LAMA2: variants seen among roughly 807,000 people sequenced by gnomAD.
The protein encoded by LAMA2 is laminin subunit alpha-2.
LAMA2 carries 269 observed loss-of-function variants against 364.8 expected under a neutral mutation model. The ratio of observed to expected loss-of-function variants is 0.74; its 90% CI spans 0.67 to 0.82. The LOEUF (loss-of-function observed/expected upper bound fraction) is 0.82. Ranked by LOEUF, LAMA2 falls within the 40% of genes least tolerant of loss-of-function variation. The pLI is 0.00. For synonymous variants in LAMA2, 1,379 were observed against 1,370.6 expected (o/e 1.01, Z -0.14); for missense variants, 3,807 against 3,873.2 (o/e 0.98, Z 0.45).
At chr6:129,046,685 C>G (rs1304009124) in intron 1 of LAMA2, among the ~76,000 whole-genome samples, 1 of 152,116 alleles carries the variant, frequency 6.6e-6, no homozygotes, top group East Asian at 1.9e-4. Flanking sequence ...ACATCTATAT[C>G]CAGACAATTA....
intron 32 of LAMA2, among the ~76,000 whole-genome samples, chr6:129,358,462 T>G (rs1777278852): frequency 6.6e-6 from 1 of 151,962 alleles, no homozygotes; most frequent in Non-Finnish European, 1.5e-5. Context: ...CTCAGGAGGT[T>G]TTATTGACCT....
chr6:129,437,869 AT>A (rs1781910906), intron 41 of LAMA2, among the ~76,000 whole-genome samples: 1 of 151,870 alleles, frequency 6.6e-6, no homozygotes, highest in Non-Finnish European at 1.5e-5. Flanking sequence ...TTTACTCTTT[AT>A]ATTGTTGTAC....
chr6:129,473,872 C>G (rs899966933), intron 52 of LAMA2, among the ~76,000 whole-genome samples: 1 of 151,868 alleles, frequency 6.6e-6, no homozygotes, highest in Non-Finnish European at 1.5e-5. Flanking sequence ...TTCACATATG[C>G]TTTTTAGCTA....
intron 18 of LAMA2, among the ~76,000 whole-genome samples, chr6:129,286,268 A>T (rs143519244): frequency 6.6e-6 from 1 of 152,034 alleles, no homozygotes; most frequent in East Asian, 1.9e-4. Flanking sequence ...GATGGCAAAG[A>T]TAACAGAGCT....
chr6:129,026,947 C>CTCAGAATCAGTTCCTTCCTTT (rs1785870355), intron 1 of LAMA2, among the ~76,000 whole-genome samples: 1 of 151,896 alleles, frequency 6.6e-6, no homozygotes, highest in Non-Finnish European at 1.5e-5. Flanking sequence ...CTCTGTTCAG[C>CTCAGAATCAGTTCCTTCCTTT]CATAACTAAA....
intron 13 of LAMA2, among the ~76,000 whole-genome samples, chr6:129,251,846 A>G (rs1562380144): frequency 6.6e-6 from 1 of 152,162 alleles, no homozygotes; most frequent in Non-Finnish European, 1.5e-5. Context: ...GAGGCATGAG[A>G]ATCGCTTGAA....
intron 30 of LAMA2, among the ~76,000 whole-genome samples, chr6:129,343,697 T>A (rs2114571650): frequency 6.6e-6 from 1 of 152,258 alleles, no homozygotes; most frequent in East Asian, 1.9e-4. Context: ...ACAGGAGATA[T>A]ACAAGAGAAG....
At chr6:129,217,325 A>G (rs1044205706) in intron 12 of LAMA2, among the ~76,000 whole-genome samples, 10 of 152,188 alleles carry the variant, frequency 6.6e-5, no homozygotes, top group Non-Finnish European at 1.5e-4. Context: ...TAATCAGTCT[A>G]TGTCTATTAG....
At chr6:128,951,401 C>G (rs1325541917) in intron 1 of LAMA2, among the ~76,000 whole-genome samples, 1 of 152,226 alleles carries the variant, frequency 6.6e-6, no homozygotes, top group South Asian at 2.1e-4. Context: ...GACACTACTT[C>G]CAAATAAAAA....
chr6:129,451,451 T>C (rs1231591616), intron 45 of LAMA2, among the ~76,000 whole-genome samples: 3 of 152,218 alleles, frequency 2.0e-5, no homozygotes, highest in South Asian at 2.1e-4. Flanking sequence ...GCAGTAGGCT[T>C]CCTGGAATGT....
At chr6:129,431,583 C>T (rs1781599229) in intron 41 of LAMA2, among the ~76,000 whole-genome samples, 1 of 151,854 alleles carries the variant, frequency 6.6e-6, no homozygotes, top group South Asian at 2.1e-4. Context: ...GAGCATGGAC[C>T]CCTGCACAGT....
chr6:129,291,815 G>C, intron 20 of LAMA2, 95 bp downstream of exon 20: 1 of 830,892 alleles, frequency 1.2e-6, no homozygotes, highest in Admixed American at 2.0e-5. Context: ...ATATTAAAAG[G>C]AAGGTTTGGG....
At chr6:129,146,015 A>G (rs1769277694) in intron 5 of LAMA2, among the ~76,000 whole-genome samples, 1 of 150,436 alleles carries the variant, frequency 6.6e-6, no homozygotes, top group Non-Finnish European at 1.5e-5. Context: ...ATAAGATAAC[A>G]TAACAAAAAT....
intron 8 of LAMA2, among the ~76,000 whole-genome samples, chr6:129,159,737 T>A (rs372942049): frequency 6.7e-6 from 1 of 149,468 alleles, no homozygotes; most frequent in East Asian, 1.9e-4. Flanking sequence ...AACTGCATAT[T>A]TTTTTATGGA....
intron 1 of LAMA2, chr6:128,929,311 ACT>A: frequency 7.3e-6 from 9 of 1,228,284 alleles, no homozygotes; most frequent in Non-Finnish European, 1.1e-5. Context: ...CCCACAGCTC[ACT>A]CTCACAGAGC....
At chr6:129,038,824 A>G (rs1582918093) in intron 1 of LAMA2, among the ~76,000 whole-genome samples, 1 of 152,216 alleles carries the variant, frequency 6.6e-6, no homozygotes, top group African/African-American at 2.4e-5. Flanking sequence ...TACTCAAGAA[A>G]AGAAATGGAG....
At chr6:129,216,482 G>A (rs911377434) in intron 12 of LAMA2, among the ~76,000 whole-genome samples, 1 of 152,104 alleles carries the variant, frequency 6.6e-6, no homozygotes, top group African/African-American at 2.4e-5. Flanking sequence ...AATGAATCAT[G>A]CTATGTTACA....
chr6:129,479,079 CTCTT>C (rs1006021045), intron 54 of LAMA2, among the ~76,000 whole-genome samples: 2 of 152,112 alleles, frequency 1.3e-5, no homozygotes, highest in Non-Finnish European at 2.9e-5. Context: ...TTCTGTTTTT[CTCTT>C]TTTTTCCAAC....
chr6:129,206,484 C>T (rs1227544504), intron 12 of LAMA2, among the ~76,000 whole-genome samples: 1 of 152,190 alleles, frequency 6.6e-6, no homozygotes, highest in Non-Finnish European at 1.5e-5. Flanking sequence ...AATATGATCA[C>T]TTAATAAGCA....
Sources: gnomAD v4.1 joint callset for allele counts (sites outside exome capture counted in the v4.1 genomes callset) on GRCh38, gnomAD v4.1.1 for gene constraint, MANE v1.5 for transcripts, NCBI Gene and HGNC (gene_info 2026-07-23, HGNC 2026-07-21) for gene names.